The following GPC5 variants were observed in gnomAD, a reference collection of about 807,000 sequenced individuals.
The protein encoded by GPC5 is glypican-5.
In GPC5, 47 loss-of-function variants were observed where a neutral mutation model predicts 53.9. That is an observed-to-expected ratio of 0.87 (90% CI 0.69 to 1.11). The LOEUF is 1.11. GPC5 is among the 50% of genes most tolerant of loss of function. GPC5 has a pLI of 0.00. For missense variants in GPC5, 748 were observed against 713.1 expected (o/e 1.05, Z -0.56); for synonymous variants, 286 against 263.3 (o/e 1.09, Z -0.84).
intron 3 of GPC5, among the ~76,000 whole-genome samples, chr13:91,722,120 A>C (rs558663228): frequency 6.6e-6 from 1 of 152,350 alleles, no homozygotes; most frequent in South Asian, 2.1e-4. Flanking sequence ...CTTCTTAAAC[A>C]AAGGCATCTT....
At chr13:92,308,286 G>C (rs2043124104) in intron 7 of GPC5, among the ~76,000 whole-genome samples, 1 of 152,126 alleles carries the variant, frequency 6.6e-6, no homozygotes, top group Admixed American at 6.6e-5. Flanking sequence ...TGCTTGCACT[G>C]TGCCGCCTGG....
At chr13:91,588,758 C>T (rs987704964) in intron 2 of GPC5, among the ~76,000 whole-genome samples, 2 of 151,904 alleles carry the variant, frequency 1.3e-5, no homozygotes, top group Non-Finnish European at 2.9e-5. Context: ...GTTGTTTATC[C>T]CTTGTGTCAT....
At chr13:91,420,193 CAGCCTAGTGAGCTTTGTTTCT>C (rs112021132) in intron 1 of GPC5, among the ~76,000 whole-genome samples, 9,546 of 152,188 alleles carry the variant, frequency 0.063, 953 homozygotes, top group African/African-American at 0.21. Flanking sequence ...TTTGTTATCT[CAGCCTAGTGAGCTTTGTTTCT>C]AGCCTAGTGA....
chr13:92,858,347 G>T (rs576523497), intron 7 of GPC5, among the ~76,000 whole-genome samples: 1 of 152,172 alleles, frequency 6.6e-6, no homozygotes, highest in East Asian at 1.9e-4. Flanking sequence ...TTTGTCTTCC[G>T]CCATGATGGT....
chr13:91,932,919 G>T (rs2039835162), intron 6 of GPC5, among the ~76,000 whole-genome samples: 1 of 151,918 alleles, frequency 6.6e-6, no homozygotes, highest in South Asian at 2.1e-4. Context: ...ATACAGATGG[G>T]AGGGTTTGCT....
chr13:92,514,270 G>A (rs1880687811), intron 7 of GPC5, among the ~76,000 whole-genome samples: 1 of 151,804 alleles, frequency 6.6e-6, no homozygotes, highest in African/African-American at 2.4e-5. Flanking sequence ...TCATGTCAGG[G>A]ATAACATTCT....
chr13:92,216,706 G>C (rs73627730), intron 7 of GPC5, among the ~76,000 whole-genome samples: 7 of 152,070 alleles, frequency 4.6e-5, no homozygotes, highest in African/African-American at 1.4e-4. Flanking sequence ...CAAGCCAGGC[G>C]CGGTGGCTCA....
intron 6 of GPC5, among the ~76,000 whole-genome samples, chr13:91,981,574 C>T (rs1287759847): frequency 6.6e-6 from 1 of 152,180 alleles, no homozygotes; most frequent in Admixed American, 6.5e-5. Context: ...CAGGCGTGAG[C>T]CACCGCGCCC....
chr13:91,490,924 T>C (rs1883909591), intron 2 of GPC5, among the ~76,000 whole-genome samples: 1 of 150,142 alleles, frequency 6.7e-6, no homozygotes, highest in African/African-American at 2.5e-5. Context: ...TACCAAACTC[T>C]TTTTTTTTCC....
At chr13:91,680,103 GA>G (rs1410428511) in intron 2 of GPC5, among the ~76,000 whole-genome samples, 1 of 152,118 alleles carries the variant, frequency 6.6e-6, no homozygotes, top group Non-Finnish European at 1.5e-5. Flanking sequence ...AAGAAAACTG[GA>G]AATTTAGAAA....
At chr13:91,547,362 G>C (rs2030356038) in intron 2 of GPC5, among the ~76,000 whole-genome samples, 1 of 151,948 alleles carries the variant, frequency 6.6e-6, no homozygotes, top group African/African-American at 2.4e-5. Flanking sequence ...GATAATAAAG[G>C]AATACTACGA....
chr13:92,554,762 T>C (rs1882435833), intron 7 of GPC5, among the ~76,000 whole-genome samples: 1 of 150,910 alleles, frequency 6.6e-6, no homozygotes, highest in Non-Finnish European at 1.5e-5. Flanking sequence ...TTTGAAAATT[T>C]GATAGAAAAT....
At chr13:92,075,515 G>T (rs1349518298) in intron 6 of GPC5, among the ~76,000 whole-genome samples, 2 of 152,008 alleles carry the variant, frequency 1.3e-5, no homozygotes, top group Non-Finnish European at 2.9e-5. Flanking sequence ...TACCTATAAG[G>T]TACGTTAATT....
intron 7 of GPC5, among the ~76,000 whole-genome samples, chr13:92,772,277 C>A (rs1007352112): frequency 7.2e-5 from 11 of 152,114 alleles, no homozygotes; most frequent in African/African-American, 2.7e-4. Context: ...ATCCTCTACT[C>A]AGAAATTTCC....
At chr13:92,520,074 A>T (rs548664850) in intron 7 of GPC5, among the ~76,000 whole-genome samples, 5 of 152,170 alleles carry the variant, frequency 3.3e-5, no homozygotes, top group Non-Finnish European at 5.9e-5. Flanking sequence ...CCAAGACTAA[A>T]CCAGTAAGAA....
At chr13:91,650,582 T>C (rs2139551257) in intron 2 of GPC5, among the ~76,000 whole-genome samples, 1 of 152,216 alleles carries the variant, frequency 6.6e-6, no homozygotes, top group East Asian at 1.9e-4. Context: ...TAAAATTTCC[T>C]GGAGAATATA....
rs367717863 is a variant in GPC5 at position 92,850,320 on chromosome 13, C to T, written c.1562-15962C>T. 2.7e-4 allele frequency among the ~76,000 whole-genome samples: 41 copies of T among 152,254 alleles called. No individual in the cohort carries two copies. In the East Asian group the frequency reaches 5.8e-3, roughly 22 times the overall value. ...ATTCCTCTAAAGATAGAGGGATAGG[C>T]TGGGCACAGTTATTCACACCTGTAA... On this transcript the variant is annotated intron_variant, in intron 7 of 7. Coordinates refer to ENST00000377067, the MANE Select transcript of GPC5 (RefSeq NM_004466.6).
chr13:91,717,846 C>T (rs946017906), intron 3 of GPC5, among the ~76,000 whole-genome samples: 3 of 151,370 alleles, frequency 2.0e-5, no homozygotes, highest in South Asian at 2.1e-4. Context: ...TGAGCCACCG[C>T]GCCTGGCCTG....
chr13:91,894,123 G>A (rs972785389), intron 5 of GPC5, among the ~76,000 whole-genome samples: 3 of 151,972 alleles, frequency 2.0e-5, no homozygotes, highest in Non-Finnish European at 4.4e-5. Context: ...TCAATTATCT[G>A]TTCCATCACC....
Sources: gnomAD v4.1 joint callset for allele counts (sites outside exome capture counted in the v4.1 genomes callset) on GRCh38, gnomAD v4.1.1 for gene constraint, MANE v1.5 for transcripts, NCBI Gene and HGNC (gene_info 2026-07-23, HGNC 2026-07-21) for gene names.